CSNK1A1: variants seen among roughly 807,000 people sequenced by gnomAD.
The protein encoded by CSNK1A1 is casein kinase 1 alpha 1, also known as casein kinase I isoform alpha.
In CSNK1A1, 7 loss-of-function variants were observed where a neutral mutation model predicts 46.1. The ratio of observed to expected loss-of-function variants is 0.15; its 90% CI spans 0.09 to 0.29. CSNK1A1 has a LOEUF of 0.29. CSNK1A1 is among the 10% of genes least tolerant of loss of function. CSNK1A1 has a pLI of 1.00. For synonymous variants in CSNK1A1, 137 were observed against 141.5 expected (o/e 0.97, Z 0.23); for missense variants, 96 against 417.1 (o/e 0.23, Z 6.71).
Position 149,526,921 on chromosome 5 carries a change from C to G in CSNK1A1, c.231-1750G>C, listed in dbSNP as rs1008039297. 2.0e-5 allele frequency among the ~76,000 whole-genome samples: 3 copies of G among 152,268 alleles called. No homozygotes were observed. The South Asian group carries it at 6.2e-4, about 32-fold the overall frequency. ...GGATTATAAGCCAAAAAGTTCAGTTCCTTCCTACGACTTTTGCTTCAGTTG... is the reference window on the plus strand; with the variant it reads ...GGATTATAAGCCAAAAAGTTCAGTTGCTTCCTACGACTTTTGCTTCAGTTG... On this transcript the variant is annotated intron_variant, in intron 2 of 9. Coordinates refer to ENST00000377843, the MANE Select transcript of CSNK1A1 (RefSeq NM_001892.6).
chr5:149,541,687 A>G lies in CSNK1A1; in HGVS notation c.230+8388T>C, dbSNP rs572980759. On this transcript the variant is annotated intron_variant, in intron 2 of 9. Coordinates refer to ENST00000377843, the MANE Select transcript of CSNK1A1 (RefSeq NM_001892.6). ...CAGCTTAAATATACTTTAAAACAAA[A>G]TGATCTAGCCAGGTGCGGTGGCTCA... 2.9e-3 allele frequency among the ~76,000 whole-genome samples: 440 copies of G among 151,830 alleles called. 2 individuals are homozygous for G. Among genetic ancestry groups the G allele is most frequent in the African/African-American group, 0.01 (426 of 41,418 alleles).
chr5:149,541,244 C>A (rs749816774), intron 2 of CSNK1A1, among the ~76,000 whole-genome samples: 24 of 151,596 alleles, frequency 1.6e-4, no homozygotes, highest in Non-Finnish European at 2.9e-4. Context: ...CCTCCGTCTC[C>A]TGGGATCAAG....
Position 149,517,749 on chromosome 5 carries a change from C to T in CSNK1A1, c.456+2541G>A. 1 of 1,173,296 alleles carries T rather than the reference C, an allele frequency of 8.5e-7. No homozygotes were observed. The highest frequency in any genetic ancestry group is 1.2e-6 in the Non-Finnish European group (1 of 805,330). 72.7% of individuals were successfully genotyped at this position (1,173,296 alleles called of 1,614,324 possible). On this transcript the variant is annotated intron_variant, in intron 4 of 9. Transcript: ENST00000377843. This position sits in a 1 kb window ranked among gnomAD's most constrained non-coding sequence, Gnocchi z 4.4. The stretch of plus-strand genomic sequence containing the variant: ...AAAATAAAACAATAAAAAAGAAAAG[C>T]ACATGAATTTGGGATTGAGGTTGGA...
At chr5:149,513,904 A>G (rs1482879958) in intron 4 of CSNK1A1, among the ~76,000 whole-genome samples, 1 of 151,990 alleles carries the variant, frequency 6.6e-6, no homozygotes, top group Non-Finnish European at 1.5e-5. Flanking sequence ...TTTCTTAAAA[A>G]AAAAAAAAAA....
intron 3 of CSNK1A1, among the ~76,000 whole-genome samples, chr5:149,521,805 C>T (rs1761579584): frequency 6.6e-6 from 1 of 151,954 alleles, no homozygotes; most frequent in Non-Finnish European, 1.5e-5. Context: ...TTAGTAGAGA[C>T]AGGGTTTCAC....
intron 2 of CSNK1A1, among the ~76,000 whole-genome samples, chr5:149,542,594 A>T (rs189799813): frequency 0.53 from 10,360 of 19,390 alleles, 1,366 homozygotes; most frequent in Admixed American, 0.59. Flanking sequence ...ATACAAATTT[A>T]TATATATATA....
intron 2 of CSNK1A1, among the ~76,000 whole-genome samples, chr5:149,534,176 T>C (rs1480863267): frequency 2.0e-5 from 3 of 152,012 alleles, no homozygotes; most frequent in African/African-American, 7.2e-5. Context: ...GCAATTTACT[T>C]AGAAGATAAA....
chr5:149,511,023 T>C (rs1425441136), intron 6 of CSNK1A1, among the ~76,000 whole-genome samples: 1 of 152,058 alleles, frequency 6.6e-6, no homozygotes, highest in African/African-American at 2.4e-5. Flanking sequence ...GGTACCAAAA[T>C]AGCCATTAAA....
intron 7 of CSNK1A1, among the ~76,000 whole-genome samples, chr5:149,508,018 T>C (rs1761090887): frequency 6.6e-6 from 1 of 152,166 alleles, no homozygotes; most frequent in African/African-American, 2.4e-5. Context: ...AATGTGGAAA[T>C]ACAAAATATT....
chr5:149,502,687 C>T (rs1254812739), intron 9 of CSNK1A1: 1 of 984,152 alleles, frequency 1.0e-6, no homozygotes, highest in African/African-American at 1.8e-5. Flanking sequence ...AAGTTTTTAA[C>T]AAGAAAACCC....
chr5:149,496,937 T>G, intron 9 of CSNK1A1, 77 bp from the exon 10 acceptor site: 1 of 1,519,404 alleles, frequency 6.6e-7, no homozygotes, highest in African/African-American at 1.4e-5. Context: ...ATATGGAAAT[T>G]GGGTGGAACT....
At chr5:149,516,230 T>C (rs1297401121) in intron 4 of CSNK1A1, among the ~76,000 whole-genome samples, 1 of 152,156 alleles carries the variant, frequency 6.6e-6, no homozygotes, top group South Asian at 2.1e-4. Flanking sequence ...TGAGACAGAA[T>C]TGCTTGAACC....
intron 2 of CSNK1A1, chr5:149,549,473 T>C: frequency 1.4e-6 from 1 of 702,488 alleles, no homozygotes; most frequent in Non-Finnish European, 2.6e-6. Context: ...CTCCTGCAGC[T>C]TTATTCTTGG....
chr5:149,533,627 C>G (rs556483064), intron 2 of CSNK1A1, among the ~76,000 whole-genome samples: 4 of 150,720 alleles, frequency 2.7e-5, no homozygotes, highest in African/African-American at 9.8e-5. Context: ...CCGTAATACC[C>G]AAAGTGTTAT....
chr5:149,532,058 T>C (rs1761917694), intron 2 of CSNK1A1, among the ~76,000 whole-genome samples: 1 of 152,014 alleles, frequency 6.6e-6, no homozygotes, highest in Non-Finnish European at 1.5e-5. Flanking sequence ...TTTGTATTTT[T>C]AGTAGAGACA....
At chr5:149,539,304 AT>A (rs1325030810) in intron 2 of CSNK1A1, among the ~76,000 whole-genome samples, 1 of 152,094 alleles carries the variant, frequency 6.6e-6, no homozygotes, top group Non-Finnish European at 1.5e-5. Flanking sequence ...TTTCTAAAAA[AT>A]AAAAATAAAA....
At chr5:149,522,239 C>G (rs748082235) in intron 3 of CSNK1A1, among the ~76,000 whole-genome samples, 1 of 152,036 alleles carries the variant, frequency 6.6e-6, no homozygotes, top group African/African-American at 2.4e-5. Flanking sequence ...CCCTGAGAAG[C>G]TGGAACTACG....
intron 9 of CSNK1A1, chr5:149,504,089 T>C: frequency 2.0e-6 from 2 of 985,416 alleles, no homozygotes; most frequent in Non-Finnish European, 2.4e-6. Flanking sequence ...TATACGATGA[T>C]TAAAACACTC....
intron 2 of CSNK1A1, among the ~76,000 whole-genome samples, chr5:149,548,250 A>G (rs1762540315): frequency 6.6e-6 from 1 of 152,162 alleles, no homozygotes; most frequent in Non-Finnish European, 1.5e-5. Flanking sequence ...TCAAGACATG[A>G]AAAATACAAA....
Sources: gnomAD v4.1 joint callset for allele counts (sites outside exome capture counted in the v4.1 genomes callset) on GRCh38, gnomAD v4.1.1 for gene constraint, Gnocchi (gnomAD v3.1) non-coding constraint, MANE v1.5 for transcripts, NCBI Gene and HGNC (gene_info 2026-07-23, HGNC 2026-07-21) for gene names.